Variants in ZZEF1 observed in about 807,000 individuals in gnomAD.
ZZEF1 encodes the protein zinc finger ZZ-type and EF-hand domain-containing protein 1.
A neutral mutation model predicts 342.8 loss-of-function variants in ZZEF1; 157 were observed. The ratio of observed to expected loss-of-function variants is 0.46; its 90% confidence interval spans 0.40 to 0.52. The LOEUF (loss-of-function observed/expected upper bound fraction) is 0.52, where lower values mean the gene tolerates loss of function less well. ZZEF1 is among the 20% of genes least tolerant of loss of function. ZZEF1 has a pLI of 0.00. For missense variants in ZZEF1, 3,480 were observed against 3,725.6 expected (o/e 0.93, Z 1.72); for synonymous variants, 1,505 against 1,429.1 (o/e 1.05, Z -1.20).
At chr17:4,082,565 A>G in intron 16 of ZZEF1, 61 bp from the exon 17 acceptor site, 3 of 1,532,132 alleles carry the variant, frequency 2.0e-6, no homozygotes, top group South Asian at 2.3e-5. Context: ...CCAGAGACCT[A>G]GAGCGGCAAT....
Position 4,020,125 on chromosome 17 carries a change from T to C in ZZEF1, c.7405-356A>G, listed in dbSNP as rs566297779. 3.7e-3 allele frequency: 664 copies of C among 181,822 alleles called. 7 individuals carry two copies. The highest frequency in any genetic ancestry group is 0.022 in the South Asian group (172 of 7,958). The allele number at this position is 181,822 out of a possible 1,614,324, so 11.3% of individuals were successfully genotyped here. Reference sequence around the variant, plus strand: ...TGACAACTAGCGCATACATAGGCACTGTATTTTCTTTTGATTTTTTTTGAC... The same window carrying C: ...TGACAACTAGCGCATACATAGGCACCGTATTTTCTTTTGATTTTTTTTGAC... On this transcript the variant is annotated intron_variant, in intron 45 of 54. Transcript: ENST00000381638.
At chr17:4,114,786 C>G (rs922183509) in intron 3 of ZZEF1, among the ~76,000 whole-genome samples, 5 of 152,158 alleles carry the variant, frequency 3.3e-5, no homozygotes, top group Admixed American at 6.5e-5. Context: ...TCTTTAATCA[C>G]TGATATATTT....
intron 42 of ZZEF1, among the ~76,000 whole-genome samples, chr17:4,026,058 T>C (rs1373446992): frequency 6.6e-6 from 1 of 151,904 alleles, no homozygotes; most frequent in Non-Finnish European, 1.5e-5. Context: ...GAGGGGTGGG[T>C]TGGGGAGAGC....
chr17:4,074,387 T>C, intron 23 of ZZEF1, 36 bp from the exon 24 acceptor site: 1 of 1,607,216 alleles, frequency 6.2e-7, no homozygotes, highest in Non-Finnish European at 8.5e-7. Context: ...TCAGACAGAT[T>C]AGAGGAGGAG....
chr17:4,094,548 C>T (rs1238547163), intron 11 of ZZEF1, among the ~76,000 whole-genome samples: 1 of 144,808 alleles, frequency 6.9e-6, no homozygotes, highest in East Asian at 1.9e-4. Flanking sequence ...CATTGGCTAC[C>T]GATTATCCAT....
intron 11 of ZZEF1, 85 bp downstream of exon 11, chr17:4,095,746 C>T: frequency 7.0e-7 from 1 of 1,424,376 alleles, no homozygotes; most frequent in Non-Finnish European, 9.5e-7. Context: ...GCACAGTTCA[C>T]CAATGAGCAT....
At chr17:4,119,940 C>T (rs1279545379) in intron 2 of ZZEF1, among the ~76,000 whole-genome samples, 1 of 152,152 alleles carries the variant, frequency 6.6e-6, no homozygotes, top group African/African-American at 2.4e-5. Context: ...CAGTTCACAC[C>T]AAGGACTAAC....
chr17:4,066,459 G>A lies in ZZEF1; in HGVS notation c.4237C>T (p.Pro1413Ser). 6.2e-7 allele frequency: 1 copy of A among 1,614,024 alleles called. No individual in the cohort carries two copies. The highest frequency in any genetic ancestry group is 8.5e-7 in the Non-Finnish European group (1 of 1,179,966). Residue 1413 changes from proline to serine, a missense_variant, in exon 28 of 55, where the codon CCT becomes TCT. By Grantham distance (74) the Pro-to-Ser change is moderately conservative (BLOSUM62 -1). This residue lies in a region of ZZEF1 where 1,528 missense variants were observed against 1,624.1 expected (regional missense o/e 0.94). Transcript: ENST00000381638. ...TTAGCACACTCACCCAGGCTCTCAGGGTTCACCTCAGTAGCTTCTGAACTA... is the reference window on the plus strand; with the variant it reads ...TTAGCACACTCACCCAGGCTCTCAGAGTTCACCTCAGTAGCTTCTGAACTA... The part of the protein sequence containing the change: ...KHSSEATEVN[P>S]ESLAKECIEK...
chr17:4,050,556 G>T (rs1479993923), intron 36 of ZZEF1, among the ~76,000 whole-genome samples: 3 of 152,092 alleles, frequency 2.0e-5, no homozygotes, highest in African/African-American at 7.2e-5. Context: ...TTAGTTTGAG[G>T]TATTAATATT....
chr17:4,051,131 T>C, intron 35 of ZZEF1, 88 bp from the exon 36 acceptor site: 20 of 1,575,026 alleles, frequency 1.3e-5, no homozygotes, highest in Non-Finnish European at 1.7e-5. Context: ...GGAGAGCATG[T>C]GGTCGCAACT....
chr17:4,107,215 G>C (rs192081274), intron 6 of ZZEF1, among the ~76,000 whole-genome samples: 3 of 152,162 alleles, frequency 2.0e-5, no homozygotes, highest in African/African-American at 7.2e-5. Context: ...AAAGGCAGGA[G>C]TGCATGAAAA....
chr17:4,081,604 G>T, intron 17 of ZZEF1, 114 bp from the exon 18 acceptor site: 1 of 877,388 alleles, frequency 1.1e-6, no homozygotes, highest in Non-Finnish European at 1.7e-6. Context: ...TCCATGGGAT[G>T]GGAGGAGTTT....
rs1023750986 is a variant in ZZEF1 at position 4,105,717 on chromosome 17, T to A, written c.1370A>T (p.Asp457Val). Reference sequence around the variant, plus strand: ...CCTAGTTATCCTTATGAGGAAACTGTCCACTTCTTCCAGCACATTAGGGGA... The same window carrying A: ...CCTAGTTATCCTTATGAGGAAACTGACCACTTCTTCCAGCACATTAGGGGA... Reference protein sequence around the residue: ...FLSPNVLEEVDSFLIRITSCC... With the variant: ...FLSPNVLEEVVSFLIRITSCC... Residue 457 changes from aspartate to valine, a missense_variant, in exon 7 of 55, where the codon GAC (aspartate) becomes GTC (valine). Asp to Val is a radical substitution (Grantham distance 152). This residue lies in a region of ZZEF1 where 1,528 missense variants were observed against 1,624.1 expected (regional missense o/e 0.94). Transcript: ENST00000381638. The A allele has an allele frequency of 1.2e-6, 2 of 1,613,362 alleles. No individual in the cohort carries two copies. The highest frequency in any genetic ancestry group is 3.3e-5 in the Admixed American group (2 of 59,862).
At chr17:4,070,016 G>A (rs2057478145) in intron 26 of ZZEF1, among the ~76,000 whole-genome samples, 1 of 152,122 alleles carries the variant, frequency 6.6e-6, no homozygotes, top group South Asian at 2.1e-4. Flanking sequence ...TAGTATGAAG[G>A]TAGAGAGAGA....
At chr17:4,087,784 AC>A (rs2057863659) in intron 13 of ZZEF1, among the ~76,000 whole-genome samples, 1 of 1,008 alleles carries the variant, frequency 9.9e-4, no homozygotes, top group Non-Finnish European at 0.021. Context: ...TATACACACA[AC>A]ACACACACAC....
At chr17:4,072,787 T>C in intron 24 of ZZEF1, 31 bp from the exon 25 acceptor site, 1 of 1,556,456 alleles carries the variant, frequency 6.4e-7, no homozygotes, top group Non-Finnish European at 8.7e-7. Context: ...ATGACAGTTC[T>C]ATTTTTGCCT....
intron 1 of ZZEF1, among the ~76,000 whole-genome samples, chr17:4,131,202 A>G (rs904688486): frequency 2.0e-5 from 3 of 152,146 alleles, no homozygotes; most frequent in African/African-American, 7.2e-5. Context: ...GCAGGAGAAA[A>G]TGAATCCCCA....
intron 24 of ZZEF1, among the ~76,000 whole-genome samples, chr17:4,073,381 T>G (rs994692410): frequency 2.0e-5 from 3 of 152,244 alleles, no homozygotes; most frequent in Non-Finnish European, 4.4e-5. Context: ...TTTTATTCTG[T>G]AATTCTTGTT....
chr17:4,076,819 C>G (rs546483850), intron 20 of ZZEF1, 49 bp downstream of exon 20: 4 of 1,612,472 alleles, frequency 2.5e-6, no homozygotes, highest in Non-Finnish European at 3.4e-6. Context: ...GGGATGCAGA[C>G]CCCCAACCCC....
Sources: gnomAD v4.1 joint callset for allele counts (sites outside exome capture counted in the v4.1 genomes callset) on GRCh38, gnomAD v4.1.1 for gene constraint, gnomAD v4.1.1 regional missense constraint, MANE v1.5 for transcripts, NCBI Gene and HGNC (gene_info 2026-07-23, HGNC 2026-07-21) for gene names.